The following TRIO variants were observed in gnomAD, a reference collection of about 807,000 sequenced individuals.
TRIO encodes triple functional domain protein.
In TRIO, 58 loss-of-function variants were observed where a neutral mutation model predicts 351.9. That is an observed-to-expected ratio of 0.16 (90% CI 0.13 to 0.21). TRIO has a LOEUF of 0.21. Ranked by LOEUF, TRIO falls within the 10% of genes least tolerant of loss-of-function variation. TRIO has a pLI of 1.00. For synonymous variants in TRIO, 1,758 were observed against 1,595.7 expected (o/e 1.10, Z -2.42); for missense variants, 3,201 against 4,027.8 (o/e 0.79, Z 5.56).
intron 34 of TRIO, among the ~76,000 whole-genome samples, chr5:14,421,030 G>A (rs1003062858): frequency 6.6e-6 from 1 of 151,992 alleles, no homozygotes; most frequent in Non-Finnish European, 1.5e-5. Context: ...GTACCATTTT[G>A]TTTTTCCCTA....
chr5:14,430,564 A>G (rs1172425945), intron 34 of TRIO, among the ~76,000 whole-genome samples: 1 of 152,138 alleles, frequency 6.6e-6, no homozygotes, highest in African/African-American at 2.4e-5. Context: ...CAGTTGCAAG[A>G]GATACATTCA....
Position 14,359,665 on chromosome 5 carries a change from G to C in TRIO, c.2391+134G>C, listed in dbSNP as rs79972520. 15 of 1,082,424 alleles carry C rather than the reference G, an allele frequency of 1.4e-5. No homozygotes were observed. In the African/African-American group the frequency reaches 1.8e-4, roughly 13 times the overall value. 67.1% of individuals were successfully genotyped at this position (1,082,424 alleles called of 1,614,324 possible). A position where few individuals can be genotyped will look rare whatever the true frequency, so the allele number is the denominator to read the frequency against. On this transcript the variant is annotated intron_variant, in intron 13 of 56. Transcript: ENST00000344204. ...CACCCCAACCCTCTGCACCAGGAGG[G>C]GGTGTGGGAGGGAGAGAGGGTCCCT...
At chr5:14,219,108 G>A (rs1792421601) in intron 1 of TRIO, among the ~76,000 whole-genome samples, 1 of 152,212 alleles carries the variant, frequency 6.6e-6, no homozygotes, top group South Asian at 2.1e-4. Flanking sequence ...GTGAATGTTT[G>A]TGAGATGGAA....
At chr5:14,504,842 C>A (rs1459959757) in intron 55 of TRIO, among the ~76,000 whole-genome samples, 1 of 151,106 alleles carries the variant, frequency 6.6e-6, no homozygotes. Flanking sequence ...CTGATATGCT[C>A]AGCCAACCCG....
chr5:14,368,680 A>C, intron 16 of TRIO, 28 bp from the exon 17 acceptor site: 1 of 1,599,058 alleles, frequency 6.3e-7, no homozygotes, highest in Non-Finnish European at 8.6e-7. Context: ...CTGACAAATA[A>C]GCCTTCCCTT....
intron 18 of TRIO, among the ~76,000 whole-genome samples, chr5:14,372,981 C>A (rs1302272099): frequency 1.3e-5 from 2 of 152,190 alleles, no homozygotes; most frequent in African/African-American, 2.4e-5. Context: ...AGAAAACTTA[C>A]AGTCACTGCA....
Position 14,462,902 on chromosome 5 carries a change from C to A in TRIO, c.5644C>A (p.Gln1882Lys), listed in dbSNP as rs1203938489. Residue 1882 changes from glutamine to lysine, a missense_variant, in exon 36 of 57, where the codon CAG becomes AAG. This residue lies in a region of TRIO where 307 missense variants were observed against 396.5 expected (regional missense o/e 0.77). Transcript: ENST00000344204. ...GGCCATCCAGCAGCACAGCCTCCTCCAGCCAGACTCACAGGATGACAAGGT... is the reference window on the plus strand; with the variant it reads ...GGCCATCCAGCAGCACAGCCTCCTCAAGCCAGACTCACAGGATGACAAGGT... Reference protein sequence around the residue: ...PMAIQQHSLLQPDSQDDKASS... With the variant: ...PMAIQQHSLLKPDSQDDKASS... 6.2e-7 allele frequency: 1 copy of A among 1,602,182 alleles called. No individual in the cohort carries two copies. Among genetic ancestry groups the A allele is most frequent in the Non-Finnish European group, 8.5e-7 (1 of 1,174,596 alleles).
At chr5:14,469,302 T>C (rs1383373871) in intron 37 of TRIO, among the ~76,000 whole-genome samples, 1 of 151,910 alleles carries the variant, frequency 6.6e-6, no homozygotes, top group East Asian at 1.9e-4. Flanking sequence ...AAACACAAAT[T>C]CCCAAAATTA....
chr5:14,498,103 G>T lies in TRIO; in HGVS notation c.8062G>T (p.Val2688Phe). The change falls in exon 52 of 57, where the codon GTC becomes TTC. Residue 2688 changes from valine to phenylalanine, a missense_variant. Val to Phe is a conservative substitution (Grantham distance 50, BLOSUM62 -1). This residue lies in a region of TRIO where 1,089 missense variants were observed against 954.9 expected (regional missense o/e 1.14). Transcript: ENST00000344204. ...NYIYDVPPEF[V>F]IPLSEVTCET... The stretch of plus-strand genomic sequence containing the variant: ...TTCCCATGCAGTTCCCCCAGAATTC[G>T]TCATTCCATTGAGTGAGGTCACGTG... The T allele has an allele frequency of 6.2e-7, 1 of 1,614,186 alleles. No homozygotes were observed. Among genetic ancestry groups the T allele is most frequent in the East Asian group, 2.2e-5 (1 of 44,882 alleles).
At chr5:14,146,433 T>C (rs1240317988) in intron 1 of TRIO, among the ~76,000 whole-genome samples, 2 of 152,246 alleles carry the variant, frequency 1.3e-5, no homozygotes, top group East Asian at 3.8e-4. Context: ...TCTGTTTGCA[T>C]GGCTGCCTGA....
intron 34 of TRIO, among the ~76,000 whole-genome samples, chr5:14,442,364 G>A (rs895164085): frequency 6.6e-6 from 1 of 152,168 alleles, no homozygotes; most frequent in Non-Finnish European, 1.5e-5. Context: ...TCGGGGTGCA[G>A]GGATCCCCCA....
chr5:14,422,279 C>G (rs1331769062), intron 34 of TRIO, among the ~76,000 whole-genome samples: 1 of 152,190 alleles, frequency 6.6e-6, no homozygotes, highest in East Asian at 1.9e-4. Context: ...AGATTTGCCT[C>G]TTGTTGCTTG....
chr5:14,424,887 A>T (rs1750509506), intron 34 of TRIO, among the ~76,000 whole-genome samples: 1 of 152,148 alleles, frequency 6.6e-6, no homozygotes, highest in Non-Finnish European at 1.5e-5. Flanking sequence ...CTCTCTCCCA[A>T]GGGTTTTCTT....
chr5:14,508,028 AC>A lies in TRIO; in HGVS notation c.8903del (p.Pro2968LeufsTer4). ...GCAGCCCCTGAAATCATCCTCGGGA[AC>A]CCTGTCTCCCTGACCTCGGATACGT... ...EFAAPEIILG[N>X]PVSLTSDTWS... On this transcript the variant is annotated frameshift_variant, in exon 57 of 57. Transcript: ENST00000344204. LOFTEE classifies it high-confidence loss of function. 1 of 1,614,170 alleles carries A rather than the reference AC, an allele frequency of 6.2e-7. No homozygotes were observed. Among genetic ancestry groups the A allele is most frequent in the Non-Finnish European group, 8.5e-7 (1 of 1,180,024 alleles).
At chr5:14,285,414 G>A (rs1409098520) in intron 3 of TRIO, among the ~76,000 whole-genome samples, 1 of 151,836 alleles carries the variant, frequency 6.6e-6, no homozygotes, top group Non-Finnish European at 1.5e-5. Flanking sequence ...GGGTGTTGAT[G>A]TGATACACCC....
At chr5:14,244,213 A>G (rs932572093) in intron 1 of TRIO, among the ~76,000 whole-genome samples, 1 of 152,248 alleles carries the variant, frequency 6.6e-6, no homozygotes, top group African/African-American at 2.4e-5. Context: ...AAAGATATTT[A>G]CAATGTTGTA....
chr5:14,448,384 C>T (rs570690700), intron 34 of TRIO, among the ~76,000 whole-genome samples: 1 of 152,358 alleles, frequency 6.6e-6, no homozygotes, highest in African/African-American at 2.4e-5. Flanking sequence ...GCTGCATCCT[C>T]GCCCTCAGCC....
At chr5:14,492,858 A>T (rs377668572) in intron 49 of TRIO, 44 bp downstream of exon 49, 2 of 1,601,872 alleles carry the variant, frequency 1.2e-6, no homozygotes, top group African/African-American at 1.3e-5. Flanking sequence ...CAGCAGAGGG[A>T]GGGGGCACAG....
At chr5:14,351,455 C>T (rs1232795142) in intron 11 of TRIO, among the ~76,000 whole-genome samples, 1 of 152,180 alleles carries the variant, frequency 6.6e-6, no homozygotes, top group African/African-American at 2.4e-5. Context: ...TCATACTTCC[C>T]CTGCTGGCCC....
Sources: gnomAD v4.1 joint callset for allele counts (sites outside exome capture counted in the v4.1 genomes callset) on GRCh38, gnomAD v4.1.1 for gene constraint, gnomAD v4.1.1 regional missense constraint, MANE v1.5 for transcripts, NCBI Gene and HGNC (gene_info 2026-07-23, HGNC 2026-07-21) for gene names.